Variants in CADM2 observed in about 807,000 individuals in gnomAD.
The protein encoded by CADM2 is immunoglobulin superfamily member 4D.
In CADM2, 12 loss-of-function variants were observed where a neutral mutation model predicts 49.8. The ratio of observed to expected loss-of-function variants is 0.24; its 90% confidence interval spans 0.15 to 0.39. The LOEUF (loss-of-function observed/expected upper bound fraction) is 0.39, where lower values mean the gene tolerates loss of function less well. Ranked by LOEUF, CADM2 falls within the 10% of genes least tolerant of loss-of-function variation. The probability of loss-of-function intolerance (pLI) is 1.00; values close to 1 mark genes in which losing one functional copy is unlikely to be tolerated. For synonymous variants in CADM2, 214 were observed against 175.4 expected (o/e 1.22, Z -1.74); for missense variants, 378 against 492.3 (o/e 0.77, Z 2.20).
chr3:85,311,916 C>G (rs1471289970), intron 1 of CADM2, among the ~76,000 whole-genome samples: 1 of 152,172 alleles, frequency 6.6e-6, no homozygotes, highest in Non-Finnish European at 1.5e-5. Flanking sequence ...AAAAGTTTCA[C>G]AAATGTGACT....
chr3:85,712,894 T>G (rs2067158348), intron 1 of CADM2, among the ~76,000 whole-genome samples: 1 of 152,202 alleles, frequency 6.6e-6, no homozygotes, highest in South Asian at 2.1e-4. Context: ...TGGGCCAGAT[T>G]GTGGCATATT....
At chr3:86,021,146 T>G (rs1559806169) in intron 8 of CADM2, among the ~76,000 whole-genome samples, 2 of 152,048 alleles carry the variant, frequency 1.3e-5, no homozygotes, top group Non-Finnish European at 2.9e-5. Context: ...ATTACAGGCA[T>G]CCACCACCAC....
chr3:85,444,764 T>G lies in CADM2; in HGVS notation c.62-281758T>G, dbSNP rs534954756. On this transcript the variant is annotated intron_variant, in intron 1 of 9. Coordinates refer to ENST00000383699, the MANE Select transcript of CADM2 (RefSeq NM_001167675.2). ...AGCTCCATGAATGTCAGACTTTTTG[T>G]CATTCTAGCTTCCACTATATAGCCT... 1.8e-4 allele frequency among the ~76,000 whole-genome samples: 27 copies of G among 152,328 alleles called. 1 individual carries two copies. Among genetic ancestry groups the G allele is most frequent in the African/African-American group, 5.5e-4 (23 of 41,592 alleles).
chr3:85,969,526 C>G (rs1725852672), intron 8 of CADM2, among the ~76,000 whole-genome samples: 1 of 151,168 alleles, frequency 6.6e-6, no homozygotes, highest in Non-Finnish European at 1.5e-5. Flanking sequence ...AAATTGTCCC[C>G]CAGTCACATA....
chr3:84,999,410 T>C (rs1198163681), intron 1 of CADM2, among the ~76,000 whole-genome samples: 1 of 152,182 alleles, frequency 6.6e-6, no homozygotes, highest in Admixed American at 6.6e-5. Context: ...GGTGTAACTC[T>C]TGCCTGAACA....
At chr3:85,620,186 A>G (rs1393685185) in intron 1 of CADM2, among the ~76,000 whole-genome samples, 1 of 152,166 alleles carries the variant, frequency 6.6e-6, no homozygotes, top group Non-Finnish European at 1.5e-5. Flanking sequence ...AGATGATATT[A>G]GAATGAACAC....
chr3:85,418,332 G>C (rs1232870497), intron 1 of CADM2, among the ~76,000 whole-genome samples: 1 of 151,962 alleles, frequency 6.6e-6, no homozygotes, highest in Non-Finnish European at 1.5e-5. Context: ...AGATATAACA[G>C]CTATATCACA....
intron 1 of CADM2, chr3:85,511,938 A>T (rs543257477): frequency 2.4e-6 from 2 of 830,768 alleles, no homozygotes; most frequent in African/African-American, 1.8e-5. Context: ...TCTTATAGCA[A>T]TGTTCAATAT....
At chr3:85,562,206 A>T (rs1194773808) in intron 1 of CADM2, among the ~76,000 whole-genome samples, 1 of 152,086 alleles carries the variant, frequency 6.6e-6, no homozygotes. Context: ...AATTAAGATA[A>T]GAGTACTTCA....
chr3:85,767,480 C>T (rs73845649), intron 2 of CADM2, among the ~76,000 whole-genome samples: 7,722 of 152,112 alleles, frequency 0.051, 554 homozygotes, highest in African/African-American at 0.16. Context: ...ATTAAATTTG[C>T]AGAGTAGTCA....
chr3:85,175,498 TAAAC>T (rs1455723021), intron 1 of CADM2, among the ~76,000 whole-genome samples: 1 of 152,162 alleles, frequency 6.6e-6, no homozygotes, highest in African/African-American at 2.4e-5. Context: ...CTAAGTGAAA[TAAAC>T]AAAAGACAAG....
chr3:85,437,601 T>G, intron 1 of CADM2, among the ~76,000 whole-genome samples: 1 of 152,104 alleles, frequency 6.6e-6, no homozygotes, highest in Admixed American at 6.6e-5. Context: ...CCTGATGGCA[T>G]ATAGTTGGAG....
chr3:85,347,223 CAAAAAAAA>C (rs11331703), intron 1 of CADM2, among the ~76,000 whole-genome samples: 4 of 46,148 alleles, frequency 8.7e-5, no homozygotes, highest in East Asian at 9.9e-4. Flanking sequence ...CTCTGTCTCA[CAAAAAAAA>C]AAAAAAAAAA....
chr3:85,053,562 T>G (rs2107414908), intron 1 of CADM2, among the ~76,000 whole-genome samples: 1 of 152,024 alleles, frequency 6.6e-6, no homozygotes, highest in South Asian at 2.1e-4. Flanking sequence ...AGAGAATAAT[T>G]TTTGGCAAAT....
chr3:85,761,804 G>T (rs2069397452), intron 2 of CADM2, among the ~76,000 whole-genome samples: 1 of 152,156 alleles, frequency 6.6e-6, no homozygotes, highest in African/African-American at 2.4e-5. Context: ...TATAAAGCAG[G>T]CTTAGAGTGC....
chr3:85,224,198 G>C (rs1174184438), intron 1 of CADM2, among the ~76,000 whole-genome samples: 3 of 152,092 alleles, frequency 2.0e-5, no homozygotes, highest in African/African-American at 7.2e-5. Flanking sequence ...CACAATGGTG[G>C]AACTAATTTA....
chr3:85,143,594 A>G (rs940659043), intron 1 of CADM2, among the ~76,000 whole-genome samples: 16 of 152,312 alleles, frequency 1.1e-4, no homozygotes, highest in African/African-American at 3.8e-4. Context: ...GCTACAAATA[A>G]CTTGTGTGAA....
intron 2 of CADM2, among the ~76,000 whole-genome samples, chr3:85,747,710 T>C (rs1013081211): frequency 6.6e-6 from 1 of 152,130 alleles, no homozygotes; most frequent in Non-Finnish European, 1.5e-5. Flanking sequence ...GTGTTTAAAA[T>C]AGAATGAAAA....
intron 2 of CADM2, among the ~76,000 whole-genome samples, chr3:85,779,688 C>T (rs1236208897): frequency 2.0e-5 from 3 of 152,112 alleles, no homozygotes; most frequent in African/African-American, 7.2e-5. Flanking sequence ...AACTACAATT[C>T]AAGATGAGAT....
Sources: gnomAD v4.1 joint callset for allele counts (sites outside exome capture counted in the v4.1 genomes callset) on GRCh38, gnomAD v4.1.1 for gene constraint, MANE v1.5 for transcripts, NCBI Gene and HGNC (gene_info 2026-07-23, HGNC 2026-07-21) for gene names.